Variants in SPCS3 observed in about 807,000 individuals in gnomAD.
SPCS3 encodes the protein SPase 22 kDa subunit.
SPCS3 carries 9 observed loss-of-function variants against 17.2 expected under a neutral mutation model. The ratio of observed to expected loss-of-function variants is 0.52; its 90% CI spans 0.31 to 0.91. The LOEUF (loss-of-function observed/expected upper bound fraction) is 0.91. Among genes scored for constraint, SPCS3 ranks in the 40% least tolerant of loss-of-function variants. SPCS3 has a pLI of 0.04. For synonymous variants in SPCS3, 87 were observed against 89.6 expected (o/e 0.97, Z 0.16); for missense variants, 139 against 217.5 (o/e 0.64, Z 2.27).
At chr4:176,320,328 C>T (rs1731518511) in intron 1 of SPCS3, 109 bp downstream of exon 1, 2 of 1,058,414 alleles carry the variant, frequency 1.9e-6, no homozygotes, top group Non-Finnish European at 2.4e-6. Context: ...GGCAGGGCGT[C>T]CGGATCGCCC....
At chr4:176,326,465 T>C (rs1202855437) in intron 3 of SPCS3, among the ~76,000 whole-genome samples, 1 of 152,192 alleles carries the variant, frequency 6.6e-6, no homozygotes, top group Non-Finnish European at 1.5e-5. Context: ...ATTTCATACT[T>C]TTAATTTTCT....
At chr4:176,320,291 CGCCGGGGCTGCCGT>C (rs1055793144) in intron 1 of SPCS3, 72 bp downstream of exon 1, 26 of 1,264,426 alleles carry the variant, frequency 2.1e-5, no homozygotes, top group Non-Finnish European at 2.6e-5. Context: ...CGGGCCGCCG[CGCCGGGGCTGCCGT>C]GCCGGGGCCG....
chr4:176,331,920 G>C lies in SPCS3; in HGVS notation c.*3590G>C, dbSNP rs1000057830. 3 of 152,280 alleles carry C rather than the reference G, an allele frequency of 2.0e-5. No homozygotes were observed. The highest frequency in any genetic ancestry group is 7.2e-5 in the African/African-American group (3 of 41,554). The allele number at this position is 152,280 out of a possible 1,614,324, so 9.4% of individuals were successfully genotyped here. On this transcript the variant is annotated 3_prime_UTR_variant, in exon 5 of 5. Transcript: ENST00000503362. Reference sequence around the variant, plus strand: ...TTTTCTTAATTGCAATAAATATTCAGCATTTTTTCTAATGAAAATGAATTT... The same window carrying C: ...TTTTCTTAATTGCAATAAATATTCACCATTTTTTCTAATGAAAATGAATTT...
Position 176,328,694 on chromosome 4 carries a change from G to A in SPCS3, c.*364G>A, listed in dbSNP as rs191243241. ...GTTAAAACTTTCAGGTGCCTGTAGA[G>A]TCATAATAACTGTATTTTATGCCTT... On this transcript the variant is annotated 3_prime_UTR_variant, in exon 5 of 5. Coordinates refer to ENST00000503362, the MANE Select transcript of SPCS3 (RefSeq NM_021928.4). The A allele has an allele frequency of 6.5e-6, 1 of 153,800 alleles. No homozygotes were observed. Among genetic ancestry groups the A allele is most frequent in the African/African-American group, 2.4e-5 (1 of 41,596 alleles). 9.5% of individuals were successfully genotyped at this position (153,800 alleles called of 1,614,324 possible). A position where few individuals can be genotyped will look rare whatever the true frequency, so the allele number is the denominator to read the frequency against.
chr4:176,330,664 T>A lies in SPCS3; in HGVS notation c.*2334T>A, dbSNP rs966168300. 2.0e-5 allele frequency: 3 copies of A among 152,214 alleles called. No homozygotes were observed. Among genetic ancestry groups the A allele is most frequent in the African/African-American group, 7.2e-5 (3 of 41,452 alleles). 9.4% of individuals were successfully genotyped at this position (152,214 alleles called of 1,614,324 possible). On this transcript the variant is annotated 3_prime_UTR_variant, in exon 5 of 5. Transcript: ENST00000503362. ...TCTACATTTAAAAAATTGACTTGTGTTCAGTTTGATAACCAGTTCATTTGC... is the reference window on the plus strand; with the variant it reads ...TCTACATTTAAAAAATTGACTTGTGATCAGTTTGATAACCAGTTCATTTGC...
chr4:176,325,726 TTTG>T (rs879257326), intron 3 of SPCS3, among the ~76,000 whole-genome samples: 3 of 152,118 alleles, frequency 2.0e-5, no homozygotes, highest in East Asian at 1.9e-4. Flanking sequence ...GAACTGGTTT[TTTG>T]TTGTTGTTGT....
At chr4:176,325,588 G>A (rs1731595813) in intron 3 of SPCS3, among the ~76,000 whole-genome samples, 2 of 151,054 alleles carry the variant, frequency 1.3e-5, no homozygotes, top group South Asian at 4.2e-4. Context: ...AGAACATGGT[G>A]CAAGGTGTTT....
rs768678458 is a variant in SPCS3, at chr4:176,328,618, T to C, written c.*288T>C. 1.1e-5 allele frequency: 2 copies of C among 175,998 alleles called. No homozygotes were observed. Among genetic ancestry groups the C allele is most frequent in the Non-Finnish European group, 2.4e-5 (2 of 83,956 alleles). The allele number at this position is 175,998 out of a possible 1,614,324, so 10.9% of individuals were successfully genotyped here. On this transcript the variant is annotated 3_prime_UTR_variant, in exon 5 of 5. Coordinates refer to ENST00000503362, the MANE Select transcript of SPCS3 (RefSeq NM_021928.4). ...TGTAAAAAATACATATTTGAAGTATTCCCTGTATTTCCATTATTCTTTATG... is the reference window on the plus strand; with the variant it reads ...TGTAAAAAATACATATTTGAAGTATCCCCTGTATTTCCATTATTCTTTATG...
At chr4:176,322,331 A>G (rs1003560152) in intron 2 of SPCS3, 88 bp downstream of exon 2, 10 of 860,820 alleles carry the variant, frequency 1.2e-5, no homozygotes, top group South Asian at 3.3e-5. Flanking sequence ...CAGTGTGACT[A>G]TCTCATTGAA....
intron 4 of SPCS3, 56 bp from the exon 5 acceptor site, chr4:176,328,142 T>G: frequency 6.6e-7 from 1 of 1,505,004 alleles, no homozygotes; most frequent in Non-Finnish European, 9.0e-7. Context: ...TGTCTTAAAA[T>G]TTTTTTTGAA....
chr4:176,323,781 AT>A (rs1731567794), intron 2 of SPCS3, among the ~76,000 whole-genome samples: 1 of 151,444 alleles, frequency 6.6e-6, no homozygotes, highest in African/African-American at 2.4e-5. Context: ...TTAAATTTAA[AT>A]GGTGGTGATT....
Position 176,328,292 on chromosome 4 carries a change from C to G in SPCS3, c.505C>G (p.Pro169Ala). ...LVTGSGHVSV[P>A]FPDTYEITKS... ...GACAGGATCAGGACACGTATCTGTC[C>G]CATTTCCAGATACATATGAAATAAC... The change falls in exon 5 of 5, where the codon CCA becomes GCA. Residue 169 changes from proline to alanine, a missense_variant. Transcript: ENST00000503362. 1 of 1,607,604 alleles carries G rather than the reference C, an allele frequency of 6.2e-7. No homozygotes were observed. The highest frequency in any genetic ancestry group is 8.5e-7 in the Non-Finnish European group (1 of 1,177,058).
intron 2 of SPCS3, among the ~76,000 whole-genome samples, chr4:176,323,911 C>T (rs1475357356): frequency 1.3e-5 from 2 of 148,922 alleles, no homozygotes; most frequent in Non-Finnish European, 3.0e-5. Context: ...TCTTTTCTTA[C>T]TAGTCAAAGT....
chr4:176,320,107 C>T lies in SPCS3; in HGVS notation c.31C>T (p.Leu11=), dbSNP rs770758240. 6.3e-7 allele frequency: 1 copy of T among 1,578,018 alleles called. No individual in the cohort carries two copies. Among genetic ancestry groups the T allele is most frequent in the Non-Finnish European group, 8.6e-7 (1 of 1,163,170 alleles). ...CACGGTGCTGTCGCGGGCGAACTCA[C>T]TGTTCGCCTTCTCGCTGAGCGTGAT... MNTVLSRANS[L]FAFSLSVMAA... Residue 11 remains leucine, a synonymous_variant, in exon 1 of 5, where the codon CTG becomes TTG. Transcript: ENST00000503362.
In SPCS3 at chr4:176,328,362, T is replaced by C; in HGVS notation, c.*32T>C. ...CTGAATTTGAAACAACATATTTTTA[T>C]ACTTAATGAATTGTATCTCATTAAT... On this transcript the variant is annotated 3_prime_UTR_variant, in exon 5 of 5. Transcript: ENST00000503362. 2 of 1,529,874 alleles carry C rather than the reference T, an allele frequency of 1.3e-6. No individual in the cohort carries two copies. The highest frequency in any genetic ancestry group is 2.5e-5 in the South Asian group (2 of 81,470). The allele number at this position is 1,529,874 out of a possible 1,614,324, so 94.8% of individuals were successfully genotyped here.
rs1439937012 is a variant in SPCS3, at chr4:176,331,048, A to G, written c.*2718A>G. On this transcript the variant is annotated 3_prime_UTR_variant, in exon 5 of 5. Coordinates refer to ENST00000503362, the MANE Select transcript of SPCS3 (RefSeq NM_021928.4). ...GTTTTGAGTTTCCTTTCCTGGAATT[A>G]TTTTACAGTTCTTTGGTGGGTCTCG... is the stretch of plus-strand genomic sequence containing the variant. 2.6e-5 allele frequency: 4 copies of G among 151,994 alleles called. No individual in the cohort carries two copies. The highest frequency in any genetic ancestry group is 5.9e-5 in the Non-Finnish European group (4 of 67,994). 9.4% of individuals were successfully genotyped at this position (151,994 alleles called of 1,614,324 possible).
rs552595875 is a variant in SPCS3 at position 176,331,338 on chromosome 4, G to C, written c.*3008G>C. On this transcript the variant is annotated 3_prime_UTR_variant, in exon 5 of 5. Coordinates refer to ENST00000503362, the MANE Select transcript of SPCS3 (RefSeq NM_021928.4). ...GCATTGACATGAAGTGGGTTCATGG[G>C]GGAAAACCATGAGCTGTGAACATTG... The C allele has an allele frequency of 1.3e-5, 2 of 152,158 alleles. No individual in the cohort carries two copies. The highest frequency in any genetic ancestry group is 1.3e-4 in the Admixed American group (2 of 15,272). The allele number at this position is 152,158 out of a possible 1,614,324, so 9.4% of individuals were successfully genotyped here. A position where few individuals can be genotyped will look rare whatever the true frequency, so the allele number is the denominator to read the frequency against.
Position 176,331,537 on chromosome 4 carries a change from A to G in SPCS3, c.*3207A>G, listed in dbSNP as rs1731686953. The G allele has an allele frequency of 1.3e-5, 2 of 152,216 alleles. No homozygotes were observed. The highest frequency in any genetic ancestry group is 4.8e-5 in the African/African-American group (2 of 41,454). 9.4% of individuals were successfully genotyped at this position (152,216 alleles called of 1,614,324 possible). A position where few individuals can be genotyped will look rare whatever the true frequency, so the allele number is the denominator to read the frequency against. On this transcript the variant is annotated 3_prime_UTR_variant, in exon 5 of 5. Transcript: ENST00000503362. ...CTTCACAATGTAGTCATTCATAAAA[A>G]AATTCATGAAAATACTGAACATATG...
At position 176,319,972 on chromosome 4, in the gene SPCS3, G is replaced by T. The variant is rs1393083098; in HGVS notation, c.-105G>T. 4.6e-5 allele frequency: 60 copies of T among 1,294,698 alleles called. No homozygotes were observed. Among genetic ancestry groups the T allele is most frequent in the Admixed American group, 9.6e-5 (3 of 31,106 alleles). 80.2% of individuals were successfully genotyped at this position (1,294,698 alleles called of 1,614,324 possible). A position where few individuals can be genotyped will look rare whatever the true frequency, so the allele number is the denominator to read the frequency against. ...CGGGGCTGCGGCGGCGCGCGCTCCC[G>T]GAACGCGCGCACCGCAGACGGCGCG... is the stretch of plus-strand genomic sequence containing the variant. On this transcript the variant is annotated 5_prime_UTR_variant, in exon 1 of 5. Transcript: ENST00000503362.
Sources: allele counts gnomAD v4.1 joint callset (sites outside exome capture counted in the v4.1 genomes callset), GRCh38; gene constraint gnomAD v4.1.1; transcripts MANE v1.5; gene names NCBI Gene and HGNC (gene_info 2026-07-23, HGNC 2026-07-21).